JAKMIP3: variants seen among roughly 807,000 people sequenced by gnomAD.
JAKMIP3 encodes the protein Janus kinase and microtubule interacting protein 3, also known as janus kinase and microtubule-interacting protein 3.
A neutral mutation model predicts 118.5 loss-of-function variants in JAKMIP3; 58 were observed. That is an observed-to-expected ratio of 0.49 (90% CI 0.40 to 0.61). The LOEUF (loss-of-function observed/expected upper bound fraction) is 0.61. Ranked by LOEUF, JAKMIP3 falls within the 20% of genes least tolerant of loss-of-function variation. The pLI, the probability that JAKMIP3 is intolerant of heterozygous loss-of-function variation, is 0.00. For synonymous variants in JAKMIP3, 486 were observed against 451.2 expected (o/e 1.08, Z -0.98); for missense variants, 950 against 1,109.0 (o/e 0.86, Z 2.04).
intron 11 of JAKMIP3, among the ~76,000 whole-genome samples, chr10:132,142,562 G>C (rs1399501988): frequency 1.3e-5 from 2 of 152,186 alleles, no homozygotes; most frequent in Non-Finnish European, 2.9e-5. Flanking sequence ...CCACTTCCCT[G>C]GCTCACCTTA....
At chr10:132,097,924 C>T (rs376036637) in intron 1 of JAKMIP3, among the ~76,000 whole-genome samples, 1,376 of 18,708 alleles carry the variant, frequency 0.074, 327 homozygotes, top group East Asian at 0.18. Flanking sequence ...CTTCCCCTTT[C>T]CTTCCCCTTC....
chr10:132,085,503 CTTT>C (rs529358675), intron 1 of JAKMIP3, among the ~76,000 whole-genome samples: 1 of 144,394 alleles, frequency 6.9e-6, no homozygotes. Context: ...TTTTCTCTCT[CTTT>C]TTTTTTTTTT....
intron 2 of JAKMIP3, among the ~76,000 whole-genome samples, chr10:132,113,496 A>G (rs2047174510): frequency 6.6e-6 from 1 of 152,254 alleles, no homozygotes; most frequent in Non-Finnish European, 1.5e-5. Flanking sequence ...TCCCAGCCTG[A>G]GGAAACTGCT....
chr10:132,163,113 C>T (rs978234121), intron 19 of JAKMIP3, 96 bp from the exon 20 acceptor site: 50 of 1,214,372 alleles, frequency 4.1e-5, no homozygotes, highest in Middle Eastern at 2.8e-4. Context: ...CTTGGCCCTG[C>T]TCCCAGGCGG....
At chr10:132,167,298 C>T (rs540654410) in intron 22 of JAKMIP3, among the ~76,000 whole-genome samples, 42 of 152,202 alleles carry the variant, frequency 2.8e-4, no homozygotes, top group Non-Finnish European at 5.0e-4. Flanking sequence ...CTTTCCTGAA[C>T]GGGAAGGAGA....
intron 23 of JAKMIP3, among the ~76,000 whole-genome samples, chr10:132,178,312 G>A (rs2060378271): frequency 6.6e-6 from 1 of 152,216 alleles, no homozygotes; most frequent in Non-Finnish European, 1.5e-5. Context: ...TAACAGCACT[G>A]GTCCCCTCTG....
chr10:132,127,509 C>G (rs1430570959), intron 3 of JAKMIP3, among the ~76,000 whole-genome samples: 1 of 152,104 alleles, frequency 6.6e-6, no homozygotes, highest in Non-Finnish European at 1.5e-5. Context: ...CCCGCCTCAG[C>G]CTTCCAAAGT....
In JAKMIP3 at chr10:132,135,286, G is replaced by A. The variant is rs574804166; in HGVS notation, c.969+126G>A. The stretch of plus-strand genomic sequence containing the variant: ...TGGTTGCAAGGACCGGCCTTGCGTC[G>A]AAGTCTCCTGACTGTGTTCCAGTTG... On this transcript the variant is annotated intron_variant, in intron 5 of 23. Coordinates refer to ENST00000684848, the MANE Select transcript of JAKMIP3 (RefSeq NM_001323087.2). 418 of 926,236 alleles carry A rather than the reference G, an allele frequency of 4.5e-4. 3 individuals carry two copies. The South Asian group carries it at 6.5e-3, about 14-fold the overall frequency. The allele number at this position is 926,236 out of a possible 1,614,324, so 57.4% of individuals were successfully genotyped here. A position where few individuals can be genotyped will look rare whatever the true frequency, so the allele number is the denominator to read the frequency against.
chr10:132,090,025 G>A (rs2042906506), intron 1 of JAKMIP3, among the ~76,000 whole-genome samples: 1 of 152,110 alleles, frequency 6.6e-6, no homozygotes, highest in Non-Finnish European at 1.5e-5. Context: ...TGATTTGTGT[G>A]TGTTGAACCA....
Position 132,044,773 on chromosome 10 carries a change from G to A in JAKMIP3, c.-138+8035G>A, listed in dbSNP as rs118011883. 1.5e-3 allele frequency among the ~76,000 whole-genome samples: 222 copies of A among 152,224 alleles called. 9 individuals carry two copies. In the East Asian group the frequency reaches 0.04, roughly 28 times the overall value. ...GTGCTGTGCAAACCACCTCCAGAAC[G>A]ATTTCATCTTCCCAAACGGAAACTG... On this transcript the variant is annotated intron_variant, in intron 1 of 23. Coordinates refer to the JAKMIP3 transcript ENST00000657785. This position sits in a 1 kb window ranked among gnomAD's most constrained non-coding sequence, Gnocchi z 5.3.
At chr10:132,180,710 C>CGTGT (rs1200016178) in intron 23 of JAKMIP3, among the ~76,000 whole-genome samples, 1 of 9,470 alleles carries the variant, frequency 1.1e-4, no homozygotes, top group East Asian at 5.0e-3. Flanking sequence ...TGTGTGTGCG[C>CGTGT]GTGTGTGTGC....
At chr10:132,111,518 C>T (rs967004454) in intron 2 of JAKMIP3, among the ~76,000 whole-genome samples, 6 of 152,060 alleles carry the variant, frequency 3.9e-5, no homozygotes, top group African/African-American at 1.4e-4. Flanking sequence ...CAGAGGTGGC[C>T]ATGGGCCCCG....
At chr10:132,042,911 A>G (rs2037804194) in intron 1 of JAKMIP3, among the ~76,000 whole-genome samples, 1 of 138,898 alleles carries the variant, frequency 7.2e-6, no homozygotes, top group Admixed American at 7.6e-5. Context: ...GCATCATGGC[A>G]AGACCCCATG....
In JAKMIP3 at chr10:132,147,808, C is replaced by T. The variant is rs1347184991; in HGVS notation, c.1750-144C>T. On this transcript the variant is annotated intron_variant, in intron 13 of 23. Coordinates refer to ENST00000684848, the MANE Select transcript of JAKMIP3 (RefSeq NM_001323087.2). ...AGGACAAACCCAAACATACCGAGGGCTGTGAGGCGCTTCCAGGGCTGGGTA... is the reference window on the plus strand; with the variant it reads ...AGGACAAACCCAAACATACCGAGGGTTGTGAGGCGCTTCCAGGGCTGGGTA... 13 of 590,584 alleles carry T rather than the reference C, an allele frequency of 2.2e-5. No homozygotes were observed. The East Asian group carries it at 3.8e-4, about 17-fold the overall frequency. The allele number at this position is 590,584 out of a possible 1,614,324, so 36.6% of individuals were successfully genotyped here. A position where few individuals can be genotyped will look rare whatever the true frequency, so the allele number is the denominator to read the frequency against.
At chr10:132,106,871 A>T (rs1294722706) in intron 2 of JAKMIP3, among the ~76,000 whole-genome samples, 2 of 152,184 alleles carry the variant, frequency 1.3e-5, no homozygotes, top group African/African-American at 4.8e-5. Flanking sequence ...TGTTTTATTG[A>T]GTAAAAATAT....
chr10:132,134,178 G>C (rs957706607), intron 4 of JAKMIP3, among the ~76,000 whole-genome samples: 3 of 152,118 alleles, frequency 2.0e-5, no homozygotes, highest in Non-Finnish European at 4.4e-5. Flanking sequence ...GAAGTCCAGG[G>C]ACCCTCCAGC....
intron 2 of JAKMIP3, among the ~76,000 whole-genome samples, chr10:132,110,418 G>A (rs542545840): frequency 2.9e-4 from 44 of 152,400 alleles, no homozygotes; most frequent in Admixed American, 1.1e-3. Flanking sequence ...TTTGCCTGTG[G>A]TTATGTGAAG....
chr10:132,159,953 G>A (rs1461567703), intron 19 of JAKMIP3, among the ~76,000 whole-genome samples: 15 of 31,470 alleles, frequency 4.8e-4, no homozygotes, highest in African/African-American at 1.6e-3. Context: ...TGCTGGGGGG[G>A]CCTCTTCCTG....
chr10:132,088,248 G>A (rs1293828093), intron 1 of JAKMIP3, among the ~76,000 whole-genome samples: 2 of 152,114 alleles, frequency 1.3e-5, no homozygotes, highest in East Asian at 1.9e-4. Context: ...GGGTCAAATG[G>A]TATTTCTAGT....
Sources: gnomAD v4.1 joint callset for allele counts (sites outside exome capture counted in the v4.1 genomes callset) on GRCh38, gnomAD v4.1.1 for gene constraint, Gnocchi (gnomAD v3.1) non-coding constraint, MANE v1.5 for transcripts, NCBI Gene and HGNC (gene_info 2026-07-23, HGNC 2026-07-21) for gene names.